HPSE2: variants seen among roughly 807,000 people sequenced by gnomAD.
HPSE2 encodes heparanase 2 (inactive).
Under a neutral mutation model 60.5 loss-of-function variants are expected in HPSE2, and 38 were observed. That is an observed-to-expected ratio of 0.63 (90% CI 0.48 to 0.82). HPSE2 has a LOEUF of 0.82. Among genes scored for constraint, HPSE2 ranks in the 40% least tolerant of loss-of-function variants. The probability of loss-of-function intolerance (pLI) is 0.00; values close to 1 mark genes in which losing one functional copy is unlikely to be tolerated. For missense variants in HPSE2, 713 were observed against 740.4 expected (o/e 0.96, Z 0.43); for synonymous variants, 295 against 293.2 (o/e 1.01, Z -0.06).
At chr10:99,021,619 G>C (rs1409768699) in intron 3 of HPSE2, among the ~76,000 whole-genome samples, 2 of 152,074 alleles carry the variant, frequency 1.3e-5, no homozygotes, top group African/African-American at 4.8e-5. Context: ...GACAAAGTAA[G>C]GTGTTTTAAG....
chr10:98,661,214 T>A (rs970609161), intron 6 of HPSE2, among the ~76,000 whole-genome samples: 4 of 152,182 alleles, frequency 2.6e-5, no homozygotes, highest in African/African-American at 9.7e-5. Flanking sequence ...ATAAGAAAAG[T>A]CACTGGAAGC....
At chr10:99,271,590 A>C in the HPSE2 span, among the ~76,000 whole-genome samples, 4 of 152,202 alleles carry the variant, frequency 2.6e-5, no homozygotes, top group East Asian at 7.7e-4. Context: ...CTACAAATTC[A>C]ATGCAATTCC....
intron 2 of HPSE2, among the ~76,000 whole-genome samples, chr10:99,191,668 A>G (rs1290280192): frequency 6.6e-6 from 1 of 152,226 alleles, no homozygotes. Flanking sequence ...GAATGGGTAC[A>G]AAAAGACTGT....
intron 3 of HPSE2, among the ~76,000 whole-genome samples, chr10:98,874,459 T>C (rs552409519): frequency 6.6e-6 from 1 of 152,128 alleles, no homozygotes. Flanking sequence ...CACATTGATT[T>C]TGTATCCTGA....
intron 11 of HPSE2, among the ~76,000 whole-genome samples, chr10:98,467,944 G>A (rs967307091): frequency 2.0e-5 from 3 of 152,252 alleles, no homozygotes; most frequent in African/African-American, 7.2e-5. Context: ...GGCAGGTGCG[G>A]GGTCTGCGGC....
intron 3 of HPSE2, among the ~76,000 whole-genome samples, chr10:99,060,138 G>T (rs1490354822): frequency 1.3e-5 from 2 of 151,798 alleles, no homozygotes; most frequent in Non-Finnish European, 2.9e-5. Flanking sequence ...AGTAAAATAT[G>T]GGAAATAAAT....
intron 3 of HPSE2, among the ~76,000 whole-genome samples, chr10:99,082,226 A>C (rs765386654): frequency 6.6e-6 from 1 of 152,138 alleles, no homozygotes; most frequent in Non-Finnish European, 1.5e-5. Context: ...CCCTAAATCT[A>C]AACCGATCAG....
chr10:98,816,866 CTTTT>C (rs200168699), intron 3 of HPSE2, among the ~76,000 whole-genome samples: 1 of 151,688 alleles, frequency 6.6e-6, no homozygotes, highest in Non-Finnish European at 1.5e-5. Context: ...CCGTGTCAAT[CTTTT>C]TTTTTATTTT....
intron 2 of HPSE2, among the ~76,000 whole-genome samples, chr10:99,174,877 G>T (rs935395741): frequency 2.0e-5 from 3 of 152,196 alleles, no homozygotes; most frequent in Admixed American, 6.5e-5. Flanking sequence ...CATCAACGCA[G>T]AAGGCAGGTG....
At chr10:99,049,378 A>T (rs1371089912) in intron 3 of HPSE2, among the ~76,000 whole-genome samples, 1 of 152,226 alleles carries the variant, frequency 6.6e-6, no homozygotes. Context: ...GGCTGAAAGT[A>T]TCTCCAAAAC....
chr10:98,612,512 C>T (rs1207328239), intron 9 of HPSE2, among the ~76,000 whole-genome samples: 8 of 152,120 alleles, frequency 5.3e-5, no homozygotes, highest in Admixed American at 4.6e-4. Flanking sequence ...TTGTAAACTC[C>T]AAGAGTTCAG....
intron 11 of HPSE2, among the ~76,000 whole-genome samples, chr10:98,463,355 T>C (rs1399181035): frequency 6.6e-6 from 1 of 152,198 alleles, no homozygotes; most frequent in East Asian, 1.9e-4. Flanking sequence ...TGGGCATTGG[T>C]AGGGGGTTGC....
intron 3 of HPSE2, among the ~76,000 whole-genome samples, chr10:98,905,433 G>A (rs984980496): frequency 2.0e-5 from 3 of 151,686 alleles, no homozygotes; most frequent in African/African-American, 4.8e-5. Context: ...TTGGAGCACA[G>A]AAACTGACAG....
chr10:98,976,941 A>T (rs1034477764), intron 3 of HPSE2, among the ~76,000 whole-genome samples: 1 of 152,134 alleles, frequency 6.6e-6, no homozygotes, highest in Non-Finnish European at 1.5e-5. Context: ...AGAGGAGGCA[A>T]TGTGACAGGT....
chr10:98,927,274 T>C (rs113557039), intron 3 of HPSE2, among the ~76,000 whole-genome samples: 2,306 of 152,240 alleles, frequency 0.015, 59 homozygotes, highest in African/African-American at 0.052. Context: ...ACTTGCTTTA[T>C]GAATCTGGGT....
the HPSE2 span, among the ~76,000 whole-genome samples, chr10:99,278,130 A>C: frequency 6.6e-6 from 1 of 151,538 alleles, no homozygotes; most frequent in Non-Finnish European, 1.5e-5. Context: ...AAAACTGCAA[A>C]CTTAATAAAT....
intron 3 of HPSE2, among the ~76,000 whole-genome samples, chr10:98,849,951 T>C (rs937026759): frequency 6.6e-6 from 1 of 152,146 alleles, no homozygotes; most frequent in African/African-American, 2.4e-5. Flanking sequence ...TCCACGTTTG[T>C]CAGGCTGGCC....
At chr10:99,140,253 A>C (rs951365462) in intron 3 of HPSE2, among the ~76,000 whole-genome samples, 1 of 152,344 alleles carries the variant, frequency 6.6e-6, no homozygotes, top group Admixed American at 6.5e-5. Context: ...CAACCATTGG[A>C]ATCTCAGTCC....
chr10:99,254,215 C>T, the HPSE2 span, among the ~76,000 whole-genome samples: 2,654 of 152,154 alleles, frequency 0.017, 73 homozygotes, highest in African/African-American at 0.061. Flanking sequence ...AGATACACCT[C>T]GGAATACAAT....
Sources: gnomAD v4.1 joint callset for allele counts (sites outside exome capture counted in the v4.1 genomes callset) on GRCh38, gnomAD v4.1.1 for gene constraint, MANE v1.5 for transcripts, NCBI Gene and HGNC (gene_info 2026-07-23, HGNC 2026-07-21) for gene names.